Variants in PDZD2 observed in about 807,000 individuals in gnomAD.
The protein encoded by PDZD2 is PDZ domain-containing protein 2.
In PDZD2, 90 loss-of-function variants were observed where a neutral mutation model predicts 220.7. That is an observed-to-expected ratio of 0.41 (90% CI 0.34 to 0.49). PDZD2 has a LOEUF of 0.49. Among genes scored for constraint, PDZD2 ranks in the 20% least tolerant of loss-of-function variants. The pLI is 0.28. For synonymous variants in PDZD2, 1,375 were observed against 1,450.5 expected (o/e 0.95, Z 1.18); for missense variants, 3,174 against 3,608.5 (o/e 0.88, Z 3.08).
intron 2 of PDZD2, among the ~76,000 whole-genome samples, chr5:31,893,684 T>C (rs1741267337): frequency 6.6e-6 from 1 of 152,248 alleles, no homozygotes; most frequent in Non-Finnish European, 1.5e-5. Context: ...TCTTAAAGTA[T>C]AAATCACCTT....
At chr5:31,721,489 G>A (rs1465779219) in intron 1 of PDZD2, among the ~76,000 whole-genome samples, 2 of 93,636 alleles carry the variant, frequency 2.1e-5, no homozygotes, top group African/African-American at 9.6e-5. Flanking sequence ...TTTTAGAAAT[G>A]CAAAGCCTGA....
chr5:31,675,378 G>A lies in PDZD2; in HGVS notation c.-361+35941G>A, dbSNP rs1408369570. On this transcript the variant is annotated intron_variant, in intron 1 of 24. Coordinates refer to ENST00000438447, the MANE Select transcript of PDZD2 (RefSeq NM_178140.4). ...CTGTGCTGGCCATGCCCACCAGCAG[G>A]AAGCAAAGCTTGTGGAAAGGCCTTT... Among the ~76,000 whole-genome samples the A allele has an allele frequency of 2.0e-5, 3 of 152,184 alleles. No homozygotes were observed. The East Asian group carries it at 5.8e-4, about 29-fold the overall frequency.
At chr5:31,946,137 G>T (rs1340118755) in intron 2 of PDZD2, among the ~76,000 whole-genome samples, 1 of 152,208 alleles carries the variant, frequency 6.6e-6, no homozygotes, top group Admixed American at 6.5e-5. Context: ...TGAGTAGCTA[G>T]GACTACAGGC....
At chr5:31,849,970 A>ATAAG (rs1757883926) in intron 2 of PDZD2, among the ~76,000 whole-genome samples, 1 of 33,184 alleles carries the variant, frequency 3.0e-5, no homozygotes, top group African/African-American at 2.4e-4. Context: ...ATACACATAT[A>ATAAG]TATATATACA....
intron 2 of PDZD2, among the ~76,000 whole-genome samples, chr5:31,953,660 A>ATTT (rs34296923): frequency 2.2e-5 from 3 of 138,580 alleles, no homozygotes; most frequent in African/African-American, 5.4e-5. Flanking sequence ...TAAAAAAAAA[A>ATTT]TTTTTTTTTT....
At chr5:32,034,648 G>A (rs544606367) in intron 6 of PDZD2, among the ~76,000 whole-genome samples, 65 of 152,050 alleles carry the variant, frequency 4.3e-4, no homozygotes, top group Non-Finnish European at 7.1e-4. Context: ...GAGCCATCAC[G>A]CCCAGCTGGA....
chr5:31,768,159 A>G (rs1163355493), intron 1 of PDZD2, among the ~76,000 whole-genome samples: 1 of 152,194 alleles, frequency 6.6e-6, no homozygotes, highest in Non-Finnish European at 1.5e-5. Flanking sequence ...TCTCACGTCA[A>G]AGAGGTTTAG....
intron 20 of PDZD2, among the ~76,000 whole-genome samples, chr5:32,091,969 A>G (rs1461597143): frequency 6.6e-6 from 1 of 152,146 alleles, no homozygotes; most frequent in Non-Finnish European, 1.5e-5. Context: ...AATTTCTAAC[A>G]TATTTAAAAA....
At chr5:31,912,849 C>T (rs1487239232) in intron 2 of PDZD2, among the ~76,000 whole-genome samples, 1 of 152,304 alleles carries the variant, frequency 6.6e-6, no homozygotes, top group South Asian at 2.1e-4. Context: ...ACCTTCCATT[C>T]CCACGTTTCT....
intron 2 of PDZD2, among the ~76,000 whole-genome samples, chr5:31,828,115 A>G (rs1258025390): frequency 1.3e-5 from 2 of 152,198 alleles, no homozygotes; most frequent in African/African-American, 4.8e-5. Context: ...CATTTGGGTC[A>G]TTTCCACTTT....
intron 6 of PDZD2, among the ~76,000 whole-genome samples, chr5:32,031,418 T>C (rs894849029): frequency 6.6e-6 from 1 of 152,214 alleles, no homozygotes; most frequent in African/African-American, 2.4e-5. Context: ...ATCCTCCTTG[T>C]TCTTGTGCGC....
chr5:32,087,723 G>C lies in PDZD2; in HGVS notation c.4275G>C (p.Thr1425=). ...CPGGSRESPV[T]DIDSFIKELD... is the part of the protein sequence containing the mutation. ...GGGGGAGTAGAGAGAGCCCTGTGAC[G>C]GACATTGACAGCTTCATCAAGGAGC... Residue 1425 remains threonine (T), a synonymous_variant, in exon 20 of 25, where the codon ACG becomes ACC. Coordinates refer to ENST00000438447, the MANE Select transcript of PDZD2 (RefSeq NM_178140.4). This position sits in a 1 kb window ranked among gnomAD's most constrained non-coding sequence, Gnocchi z 4.0. 6.2e-7 allele frequency: 1 copy of C among 1,614,022 alleles called. No individual in the cohort carries two copies. The highest frequency in any genetic ancestry group is 1.1e-5 in the South Asian group (1 of 91,072).
At chr5:31,719,305 T>C (rs1301804925) in intron 1 of PDZD2, among the ~76,000 whole-genome samples, 1 of 152,130 alleles carries the variant, frequency 6.6e-6, no homozygotes, top group African/African-American at 2.4e-5. Context: ...AAGTGTGCAA[T>C]CTATTAGGTA....
chr5:31,710,827 A>C (rs1427433946), intron 1 of PDZD2, among the ~76,000 whole-genome samples: 1 of 152,092 alleles, frequency 6.6e-6, no homozygotes, highest in East Asian at 1.9e-4. Context: ...GAAAAAAAAA[A>C]AAAAAAGAGT....
intron 7 of PDZD2, among the ~76,000 whole-genome samples, chr5:32,040,979 T>G (rs1269634958): frequency 2.2e-5 from 3 of 136,048 alleles, no homozygotes; most frequent in Non-Finnish European, 3.1e-5. Context: ...GGCCACCCCG[T>G]CTGGGAGGTG....
chr5:31,745,946 C>T (rs974081199), intron 1 of PDZD2, among the ~76,000 whole-genome samples: 1 of 151,866 alleles, frequency 6.6e-6, no homozygotes, highest in Non-Finnish European at 1.5e-5. Flanking sequence ...AATAACCTAG[C>T]GAAACTTGAT....
chr5:31,806,662 CTACT>C (rs990156805), intron 2 of PDZD2, among the ~76,000 whole-genome samples: 4 of 152,168 alleles, frequency 2.6e-5, no homozygotes, highest in African/African-American at 4.8e-5. Flanking sequence ...CTGGAATGTT[CTACT>C]TACTTGTTTG....
At chr5:31,828,584 C>T (rs892134014) in intron 2 of PDZD2, among the ~76,000 whole-genome samples, 2 of 152,210 alleles carry the variant, frequency 1.3e-5, no homozygotes, top group African/African-American at 4.8e-5. Flanking sequence ...TAGCCTCAAC[C>T]TCCTGGGCTC....
intron 1 of PDZD2, among the ~76,000 whole-genome samples, chr5:31,701,645 C>T (rs145244826): frequency 8.5e-5 from 13 of 152,288 alleles, no homozygotes; most frequent in Non-Finnish European, 1.3e-4. Flanking sequence ...TCTAATCTCC[C>T]GAAGCCCCAC....
Sources: allele counts gnomAD v4.1 joint callset (sites outside exome capture counted in the v4.1 genomes callset), GRCh38; gene constraint gnomAD v4.1.1; non-coding constraint Gnocchi (gnomAD v3.1); transcripts MANE v1.5; gene names NCBI Gene and HGNC (gene_info 2026-07-23, HGNC 2026-07-21).